RUVBL1: variants seen among roughly 807,000 people sequenced by gnomAD.
RUVBL1 encodes the protein ruvB-like 1.
Under a neutral mutation model 52.4 loss-of-function variants are expected in RUVBL1, and 4 were observed. The observed-to-expected ratio is 0.08, with a 90% CI of 0.04 to 0.17. The LOEUF (loss-of-function observed/expected upper bound fraction) is 0.17. RUVBL1 is among the 10% of genes least tolerant of loss of function. The pLI is 1.00. For missense variants in RUVBL1, 298 were observed against 572.8 expected (o/e 0.52, Z 4.90); for synonymous variants, 217 against 214.4 (o/e 1.01, Z -0.10).
downstream of RUVBL1, among the ~76,000 whole-genome samples, chr3:128,077,016 C>G (rs1457908334): frequency 6.6e-6 from 1 of 151,734 alleles, no homozygotes; most frequent in African/African-American, 2.4e-5. Context: ...AGGCGCCCAT[C>G]GGCCCATCTT....
chr3:128,113,012 C>T lies in RUVBL1; in HGVS notation c.237G>A (p.Leu79=), dbSNP rs1447670091. 1 of 1,613,858 alleles carries T rather than the reference C, an allele frequency of 6.2e-7. No homozygotes were observed. Among genetic ancestry groups the T allele is most frequent in the Admixed American group, 1.7e-5 (1 of 59,930 alleles). Residue 79 remains leucine (L), a synonymous_variant, in exon 3 of 11, where the codon CTG becomes CTA. Coordinates refer to ENST00000322623, the MANE Select transcript of RUVBL1 (RefSeq NM_003707.3). ...CCAGCTCCTGAGCAATAGCCAGAGC[C>T]AGAGCTGTCTACAAAAGAAAGCAAC... The part of the protein sequence containing the change: ...AGPPGTGKTA[L]ALAIAQELGS...
intron 9 of RUVBL1, among the ~76,000 whole-genome samples, chr3:128,073,508 C>T (rs897435439): frequency 3.3e-5 from 5 of 152,138 alleles, no homozygotes; most frequent in East Asian, 1.9e-4. Flanking sequence ...TGGCACTGTC[C>T]GAGAGTCAGC....
rs1943109835 is a variant in RUVBL1, at chr3:128,101,630, C to A, written c.532G>T (p.Glu178Ter). 6.2e-7 allele frequency: 1 copy of A among 1,613,556 alleles called. No individual in the cohort carries two copies. The stretch of plus-strand genomic sequence containing the variant: ...TCTACTCGCTCTTTCTGCAAACTTT[C>A]AAAAATGCTGGGGTCCAGCTAAAAA... ...KQLKLDPSIF[E>*]SLQKERVEAG... is the part of the protein sequence containing the mutation. The change falls in exon 5 of 11, where the codon GAA (glutamate) becomes TAA (stop). Residue 178 changes from glutamate (E) to a stop codon, truncating the protein, a stop_gained. Transcript: ENST00000322623. LOFTEE classifies it high-confidence loss of function.
Position 128,131,251 on chromosome 3 carries a change from C to T in RUVBL1, c.-39-11837G>A, listed in dbSNP as rs190915886. Among the ~76,000 whole-genome samples, 323 of 152,192 alleles carry T rather than the reference C, an allele frequency of 2.1e-3. 1 individual carries two copies. The highest frequency in any genetic ancestry group is 3.3e-3 in the Non-Finnish European group (224 of 67,990). ...GCATGGTGGTTCATACCTGTAATCC[C>T]AGCACTTTGGGAGGCCAAGGAGGGC... On this transcript the variant is annotated intron_variant, in intron 1 of 9. Transcript: ENST00000464873.
intron 8 of RUVBL1, among the ~76,000 whole-genome samples, chr3:128,092,683 A>T (rs544238770): frequency 5.8e-4 from 88 of 152,332 alleles, no homozygotes; most frequent in African/African-American, 2.0e-3. Flanking sequence ...GAATATCTAT[A>T]ATCAAAAAGA....
At position 128,123,765 on chromosome 3, in the gene RUVBL1, C is replaced by A. The variant is rs759658968; in HGVS notation, c.-41G>T. ...AGCTAAAACCAGCGTGGAAAACCAGCAGCTAGGACAGTGCGCCCGGCGCCT... is the reference window on the plus strand; with the variant it reads ...AGCTAAAACCAGCGTGGAAAACCAGAAGCTAGGACAGTGCGCCCGGCGCCT... On this transcript the variant is annotated 5_prime_UTR_variant, in exon 1 of 11. Coordinates refer to ENST00000322623, the MANE Select transcript of RUVBL1 (RefSeq NM_003707.3). 1 of 1,550,980 alleles carries A rather than the reference C, an allele frequency of 6.4e-7. No individual in the cohort carries two copies. Among genetic ancestry groups the A allele is most frequent in the East Asian group, 2.3e-5 (1 of 42,744 alleles).
intron 8 of RUVBL1, among the ~76,000 whole-genome samples, chr3:128,088,559 G>C (rs1942727076): frequency 6.6e-6 from 1 of 150,402 alleles, no homozygotes; most frequent in African/African-American, 2.4e-5. Flanking sequence ...ATTATACTAA[G>C]TATGCAAGTT....
chr3:128,105,264 C>T (rs889352338), intron 3 of RUVBL1, among the ~76,000 whole-genome samples: 15 of 151,916 alleles, frequency 9.9e-5, no homozygotes, highest in African/African-American at 1.7e-4. Flanking sequence ...GGACTACAGG[C>T]GCCCGCCACC....
chr3:128,067,875 A>G lies in RUVBL1; in HGVS notation c.940-2655T>C. On this transcript the variant is annotated intron_variant, in intron 9 of 9. Coordinates refer to the RUVBL1 transcript ENST00000464873. The surrounding 1 kb of genome is among the most constrained non-coding windows in gnomAD (Gnocchi z 4.1). ...GGCAGTTTTAAAGTTCTCTGTATGA[A>G]TATTGTCAGTGCTCGAAGAGGCGAT... 1.1e-6 allele frequency: 1 copy of G among 880,028 alleles called. No homozygotes were observed. Among genetic ancestry groups the G allele is most frequent in the Admixed American group, 1.9e-5 (1 of 51,296 alleles). The allele number at this position is 880,028 out of a possible 1,614,324, so 54.5% of individuals were successfully genotyped here. A position where few individuals can be genotyped will look rare whatever the true frequency, so the allele number is the denominator to read the frequency against.
At chr3:128,106,472 A>G (rs1347284175) in intron 3 of RUVBL1, among the ~76,000 whole-genome samples, 1 of 144,476 alleles carries the variant, frequency 6.9e-6, no homozygotes, top group East Asian at 2.1e-4. Flanking sequence ...CCCCCCCTTC[A>G]CACATTCTTC....
chr3:128,132,146 G>T (rs1355566453), intron 1 of RUVBL1, among the ~76,000 whole-genome samples: 1 of 152,194 alleles, frequency 6.6e-6, no homozygotes, highest in East Asian at 1.9e-4. Context: ...ACAGCAGAAA[G>T]CAACACAAGG....
chr3:128,143,081 C>T (rs915740897), intron 1 of RUVBL1, among the ~76,000 whole-genome samples: 3 of 150,962 alleles, frequency 2.0e-5, no homozygotes, highest in African/African-American at 7.3e-5. Flanking sequence ...GTGCCCAGAC[C>T]CTCCTGCCAC....
exon 1 of RUVBL1, chr3:128,153,390 C>T: frequency 2.9e-6 from 4 of 1,391,672 alleles, no homozygotes; most frequent in Non-Finnish European, 2.8e-6. Flanking sequence ...GCTTCCGGGC[C>T]GGAACGGGTG....
chr3:128,070,112 G>A (rs10934847), intron 9 of RUVBL1: 35,294 of 155,004 alleles, frequency 0.23, 4,094 homozygotes, highest in South Asian at 0.27. Context: ...TCCCGGAGAC[G>A]TGGGACCTTG....
At chr3:128,078,285 T>C (rs777382596), downstream of RUVBL1, among the ~76,000 whole-genome samples, 12 of 152,188 alleles carry the variant, frequency 7.9e-5, no homozygotes, top group Non-Finnish European at 1.8e-4. Context: ...ATTCATTTAG[T>C]CCTAAAAAAC....
intron 8 of RUVBL1, among the ~76,000 whole-genome samples, chr3:128,093,543 A>G (rs996601044): frequency 1.3e-5 from 2 of 152,052 alleles, no homozygotes; most frequent in African/African-American, 4.8e-5. Context: ...CACTGAGCAG[A>G]GTCCATACTG....
At chr3:128,148,014 G>C (rs971086601) in intron 1 of RUVBL1, among the ~76,000 whole-genome samples, 2 of 152,198 alleles carry the variant, frequency 1.3e-5, no homozygotes, top group African/African-American at 4.8e-5. Flanking sequence ...CCTACTGTTT[G>C]CTTCCACTTA....
At chr3:128,150,876 ATT>A (rs1282096582) in intron 1 of RUVBL1, among the ~76,000 whole-genome samples, 1 of 66,214 alleles carries the variant, frequency 1.5e-5, no homozygotes, top group African/African-American at 7.8e-5. Flanking sequence ...ATATATATAT[ATT>A]CTATATATAT....
At chr3:128,092,888 G>T (rs191539566) in intron 8 of RUVBL1, among the ~76,000 whole-genome samples, 2 of 152,204 alleles carry the variant, frequency 1.3e-5, no homozygotes, top group Non-Finnish European at 2.9e-5. Flanking sequence ...TAAAAATGTT[G>T]TACATAGGCC....
Sources: allele counts gnomAD v4.1 joint callset (sites outside exome capture counted in the v4.1 genomes callset), GRCh38; gene constraint gnomAD v4.1.1; non-coding constraint Gnocchi (gnomAD v3.1); transcripts MANE v1.5; gene names NCBI Gene and HGNC (gene_info 2026-07-23, HGNC 2026-07-21).